Variants in ZNF280B observed in about 807,000 individuals in gnomAD.
The protein encoded by ZNF280B is suppressor of hairy wing homolog 2.
ZNF280B carries 16 observed loss-of-function variants against 38.0 expected under a neutral mutation model. The observed-to-expected ratio is 0.42, with a 90% confidence interval of 0.28 to 0.64. ZNF280B has a LOEUF of 0.64. Ranked by LOEUF, ZNF280B falls within the 30% of genes least tolerant of loss-of-function variation. The probability of loss-of-function intolerance (pLI) is 0.21; values close to 1 mark genes in which losing one functional copy is unlikely to be tolerated. For missense variants in ZNF280B, 581 were observed against 639.6 expected (o/e 0.91, Z 0.99); for synonymous variants, 253 against 230.6 (o/e 1.10, Z -0.88).
chr22:22,491,510 G>A (rs2051485), intron 3 of ZNF280B, among the ~76,000 whole-genome samples: 21,774 of 142,300 alleles, frequency 0.15, 1,879 homozygotes, highest in South Asian at 0.28. Context: ...CCAGGCTGGA[G>A]TACAGTGGCG....
intron 2 of ZNF280B, among the ~76,000 whole-genome samples, chr22:22,500,016 AT>A (rs1246952182): frequency 1.3e-5 from 2 of 151,990 alleles, no homozygotes; most frequent in African/African-American, 2.4e-5. Flanking sequence ...AGTGTCATTA[AT>A]CATAAAAGCA....
At chr22:22,508,781 C>T (rs1418475232), upstream of ZNF280B, 2 of 151,940 alleles carry the variant, frequency 1.3e-5, no homozygotes, top group African/African-American at 2.4e-5. Flanking sequence ...GCGCACGCCT[C>T]CACACGCGCG....
Position 22,489,341 on chromosome 22 carries a change from T to C in ZNF280B, c.58A>G (p.Thr20Ala), listed in dbSNP as rs1367964427. ...EPEPQKNIQE[T>A]KQVDDEDAEL... ...GCATCTTCGTCATCTACTTGTTTGGTTTCTTGTATGTTCTTCTGTGGTTCA... is the reference window on the plus strand; with the variant it reads ...GCATCTTCGTCATCTACTTGTTTGGCTTCTTGTATGTTCTTCTGTGGTTCA... Residue 20 changes from threonine (T) to alanine (A), a missense_variant, in exon 4 of 4, where the codon ACC becomes GCC. Thr to Ala is a moderately conservative substitution (Grantham distance 58). Coordinates refer to ENST00000626650, the MANE Select transcript of ZNF280B (RefSeq NM_080764.4). The C allele has an allele frequency of 6.2e-7, 1 of 1,613,574 alleles. No individual in the cohort carries two copies. The highest frequency in any genetic ancestry group is 1.1e-5 in the South Asian group (1 of 90,974).
intron 2 of ZNF280B, among the ~76,000 whole-genome samples, chr22:22,504,444 A>AAC (rs1425834037): frequency 6.6e-6 from 1 of 151,684 alleles, no homozygotes; most frequent in East Asian, 2.0e-4. Context: ...AAAAAAACAA[A>AAC]CAAACAACTT....
intron 2 of ZNF280B, among the ~76,000 whole-genome samples, chr22:22,499,949 G>T (rs549756338): frequency 6.6e-6 from 1 of 152,004 alleles, no homozygotes; most frequent in South Asian, 2.1e-4. Context: ...AAAGGCCAAA[G>T]AACTTGAATA....
At chr22:22,501,615 T>C (rs5751180) in intron 2 of ZNF280B, among the ~76,000 whole-genome samples, 29,003 of 151,730 alleles carry the variant, frequency 0.19, 3,199 homozygotes, top group South Asian at 0.33. Flanking sequence ...CAGTGGCTCA[T>C]GCCTGTAATC....
chr22:22,507,389 A>T (rs186018030), intron 2 of ZNF280B, among the ~76,000 whole-genome samples: 3 of 152,086 alleles, frequency 2.0e-5, no homozygotes, highest in Non-Finnish European at 4.4e-5. Context: ...CTGTAATCAC[A>T]AATTGCTGGG....
In ZNF280B at chr22:22,489,387, T is replaced by G. The variant is rs1331780507; in HGVS notation, c.12A>C (p.Ser4=). The change falls in exon 4 of 4, where the codon TCA becomes TCC. Residue 4 remains serine, a synonymous_variant. Coordinates refer to ENST00000626650, the MANE Select transcript of ZNF280B (RefSeq NM_080764.4). ...GTTCAGGCTCTTTCTCTTCCTCACATGATTGTTCCATTTTCTAATTTTTTT... is the reference window on the plus strand; with the variant it reads ...GTTCAGGCTCTTTCTCTTCCTCACAGGATTGTTCCATTTTCTAATTTTTTT... MEQ[S]CEEEKEPEPQ... is the part of the protein sequence containing the mutation. 1 of 1,587,190 alleles carries G rather than the reference T, an allele frequency of 6.3e-7. No homozygotes were observed. Among genetic ancestry groups the G allele is most frequent in the African/African-American group, 1.4e-5 (1 of 73,156 alleles).
chr22:22,501,506 A>G (rs1013422549), intron 2 of ZNF280B, among the ~76,000 whole-genome samples: 1 of 151,824 alleles, frequency 6.6e-6, no homozygotes, highest in Non-Finnish European at 1.5e-5. Flanking sequence ...CAGAGGTTAC[A>G]GTGAGCCGAG....
At chr22:22,500,693 T>TA (rs199582935) in intron 2 of ZNF280B, among the ~76,000 whole-genome samples, 11,536 of 150,960 alleles carry the variant, frequency 0.076, 1,216 homozygotes, top group African/African-American at 0.23. Context: ...CTGTCTCTAC[T>TA]AAAAAAAATA....
chr22:22,496,431 T>C (rs2146803850), intron 2 of ZNF280B, among the ~76,000 whole-genome samples: 1 of 152,082 alleles, frequency 6.6e-6, no homozygotes, highest in Non-Finnish European at 1.5e-5. Flanking sequence ...TTTACACTCC[T>C]CTACCATCCT....
intron 2 of ZNF280B, among the ~76,000 whole-genome samples, chr22:22,505,728 C>T (rs2061924444): frequency 6.6e-6 from 1 of 151,844 alleles, no homozygotes; most frequent in African/African-American, 2.4e-5. Context: ...CATTGCACTC[C>T]AGCCTGGGTG....
chr22:22,493,324 T>A (rs2061634387), intron 3 of ZNF280B, among the ~76,000 whole-genome samples: 1 of 151,960 alleles, frequency 6.6e-6, no homozygotes, highest in Non-Finnish European at 1.5e-5. Context: ...AGATTAATTT[T>A]TAAAGCCCCC....
chr22:22,487,926 T>C lies in ZNF280B; in HGVS notation c.1473A>G (p.Gln491=), dbSNP rs773212274. ...TTGTTTCAGGAGGTAATCCTTCTAG[T>C]TGCTTAGGCTTCTTAAACATTTGAT... The part of the protein sequence containing the change: ...QCHQMFKKPK[Q]LEGLPPETKV... The change falls in exon 4 of 4, where the codon CAA becomes CAG. Residue 491 remains glutamine (Q), a synonymous_variant. Coordinates refer to ENST00000626650, the MANE Select transcript of ZNF280B (RefSeq NM_080764.4). 29 of 1,613,716 alleles carry C rather than the reference T, an allele frequency of 1.8e-5. No homozygotes were observed. The highest frequency in any genetic ancestry group is 2.4e-5 in the Non-Finnish European group (28 of 1,179,934).
At chr22:22,498,861 G>A in intron 2 of ZNF280B, among the ~76,000 whole-genome samples, 1 of 145,016 alleles carries the variant, frequency 6.9e-6, no homozygotes, top group Non-Finnish European at 1.5e-5. Context: ...GCAGTGGCGT[G>A]ATCTCGGCTC....
chr22:22,487,688 T>TG lies in ZNF280B; in HGVS notation c.*78dup. 8.0e-7 allele frequency: 1 copy of TG among 1,247,068 alleles called. No homozygotes were observed. The highest frequency in any genetic ancestry group is 1.1e-6 in the Non-Finnish European group (1 of 900,292). The allele number at this position is 1,247,068 out of a possible 1,614,324, so 77.3% of individuals were successfully genotyped here. A position where few individuals can be genotyped will look rare whatever the true frequency, so the allele number is the denominator to read the frequency against. On this transcript the variant is annotated 3_prime_UTR_variant, in exon 4 of 4. Coordinates refer to ENST00000626650, the MANE Select transcript of ZNF280B (RefSeq NM_080764.4). Reference sequence around the variant, plus strand: ...CACTATTTTTGGTGCTACTGAATAATGTATGGTTTGTATTTTTTGTTTTAT... The same window carrying TG: ...CACTATTTTTGGTGCTACTGAATAATGGTATGGTTTGTATTTTTTGTTTTAT...
At chr22:22,508,514 C>A (rs906385946) in intron 1 of ZNF280B, 145 bp downstream of exon 1, 1 of 151,944 alleles carries the variant, frequency 6.6e-6, no homozygotes, top group Admixed American at 6.6e-5. Context: ...TGCACTCCCC[C>A]ACAGAAAGCG....
chr22:22,493,225 T>A (rs142263591), intron 3 of ZNF280B, among the ~76,000 whole-genome samples: 1 of 152,006 alleles, frequency 6.6e-6, no homozygotes, highest in East Asian at 2.0e-4. Flanking sequence ...GCCAGGATGG[T>A]CTTCATCTCC....
intron 2 of ZNF280B, among the ~76,000 whole-genome samples, chr22:22,495,384 C>T (rs1171643445): frequency 6.6e-6 from 1 of 151,900 alleles, no homozygotes; most frequent in Non-Finnish European, 1.5e-5. Flanking sequence ...TAAACATTAA[C>T]AGACAGAAAT....
Sources: gnomAD v4.1 joint callset for allele counts (sites outside exome capture counted in the v4.1 genomes callset) on GRCh38, gnomAD v4.1.1 for gene constraint, MANE v1.5 for transcripts, NCBI Gene and HGNC (gene_info 2026-07-23, HGNC 2026-07-21) for gene names.